NPL: variants seen among roughly 807,000 people sequenced by gnomAD.
NPL encodes the protein N-acetylneuraminate pyruvate lyase, also known as N-acetylneuraminate lyase.
A neutral mutation model predicts 41.1 loss-of-function variants in NPL; 32 were observed. The ratio of observed to expected loss-of-function variants is 0.78; its 90% confidence interval spans 0.59 to 1.05. The LOEUF is 1.05. Ranked by LOEUF, NPL falls within the 50% of genes least tolerant of loss-of-function variation. The probability of loss-of-function intolerance (pLI) is 0.00; values close to 1 mark genes in which losing one functional copy is unlikely to be tolerated. For missense variants in NPL, 321 were observed against 378.4 expected (o/e 0.85, Z 1.26); for synonymous variants, 128 against 134.9 (o/e 0.95, Z 0.35).
chr1:182,822,029 T>C, intron 10 of NPL, 86 bp from the exon 11 acceptor site: 1 of 888,878 alleles, frequency 1.1e-6, no homozygotes, highest in Non-Finnish European at 1.9e-6. Context: ...GTGTATTTTT[T>C]CCCTTTTAAA....
intron 7 of NPL, among the ~76,000 whole-genome samples, chr1:182,816,280 G>C (rs927545706): frequency 6.6e-6 from 1 of 152,194 alleles, no homozygotes; most frequent in Non-Finnish European, 1.5e-5. Context: ...TTTCCCTCTT[G>C]AAGCAGATAT....
At chr1:182,797,798 C>T (rs1666718045) in intron 3 of NPL, among the ~76,000 whole-genome samples, 1 of 152,170 alleles carries the variant, frequency 6.6e-6, no homozygotes, top group Non-Finnish European at 1.5e-5. Context: ...TGTTACTTGT[C>T]TATGTCTTCC....
intron 3 of NPL, among the ~76,000 whole-genome samples, chr1:182,800,435 CAAAAAAAAAAAA>C (rs1053733197): frequency 1.9e-5 from 1 of 51,568 alleles, no homozygotes; most frequent in Non-Finnish European, 4.9e-5. Flanking sequence ...GACCCTGTCT[CAAAAAAAAAAAA>C]AAAAAAAAAA....
intron 7 of NPL, 49 bp from the exon 8 acceptor site, chr1:182,816,665 C>T (rs1213567585): frequency 7.7e-7 from 1 of 1,300,426 alleles, no homozygotes; most frequent in Non-Finnish European, 1.1e-6. Context: ...CCAGGAAAGC[C>T]ACTGTTTTAC....
At chr1:182,797,003 C>T (rs1666688976) in intron 3 of NPL, among the ~76,000 whole-genome samples, 1 of 146,688 alleles carries the variant, frequency 6.8e-6, no homozygotes, top group African/African-American at 2.6e-5. Flanking sequence ...CCACTGCACT[C>T]TACCCTGGGC....
At chr1:182,790,670 T>C (rs1373044475) in intron 1 of NPL, among the ~76,000 whole-genome samples, 1 of 151,470 alleles carries the variant, frequency 6.6e-6, no homozygotes, top group Non-Finnish European at 1.5e-5. Flanking sequence ...TGAGACGGAG[T>C]CTCGCTCTTG....
chr1:182,799,175 G>A lies in NPL; in HGVS notation c.69-4523G>A, dbSNP rs192907515. Among the ~76,000 whole-genome samples the A allele has an allele frequency of 1.7e-3, 253 of 152,300 alleles. 1 individual carries two copies. The highest frequency in any genetic ancestry group is 3.2e-3 in the Non-Finnish European group (219 of 68,030). On this transcript the variant is annotated intron_variant, in intron 3 of 12. Transcript: ENST00000367553. ...TTTACCGTAAGAGAAGAGTTGTAGA[G>A]TCTACCTGCAGTTTCACAATCCACC...
chr1:182,804,419 C>T (rs1034829538), intron 4 of NPL, among the ~76,000 whole-genome samples: 63 of 152,318 alleles, frequency 4.1e-4, no homozygotes, highest in African/African-American at 1.2e-3. Context: ...TGAGCCACCG[C>T]GCCCAGCCTC....
intron 5 of NPL, among the ~76,000 whole-genome samples, chr1:182,808,679 G>C (rs981146359): frequency 6.6e-6 from 1 of 152,228 alleles, no homozygotes; most frequent in Non-Finnish European, 1.5e-5. Context: ...CCTTGGCTGG[G>C]TGCAGTGGCT....
In NPL at chr1:182,796,166, C is replaced by CAAA. The variant is rs11419574; in HGVS notation, c.68+1745_68+1747dup. 5.1e-3 allele frequency among the ~76,000 whole-genome samples: 522 copies of CAAA among 103,124 alleles called. 7 individuals are homozygous for CAAA. Among genetic ancestry groups the CAAA allele is most frequent in the East Asian group, 0.019 (65 of 3,416 alleles). 67.7% of individuals were successfully genotyped at this position (103,124 alleles called of 152,430 possible). A position where few individuals can be genotyped will look rare whatever the true frequency, so the allele number is the denominator to read the frequency against. On this transcript the variant is annotated intron_variant, in intron 3 of 12. Transcript: ENST00000367553. The stretch of plus-strand genomic sequence containing the variant: ...ACCTTACTTTCCTAAGGTGTGAAAT[C>CAAA]AAAAAAAAAAAAAAAAAAAAGAATG...
At chr1:182,794,937 A>G (rs188053658) in intron 3 of NPL, among the ~76,000 whole-genome samples, 1 of 152,036 alleles carries the variant, frequency 6.6e-6, no homozygotes, top group Non-Finnish European at 1.5e-5. Context: ...TGCAAGATGG[A>G]CTCTTTTTTC....
At chr1:182,808,983 G>A (rs908999218) in intron 5 of NPL, among the ~76,000 whole-genome samples, 1 of 150,126 alleles carries the variant, frequency 6.7e-6, no homozygotes, top group Non-Finnish European at 1.5e-5. Context: ...AAAAAAAGTG[G>A]TGAATTGATA....
At chr1:182,827,270 GA>G (rs1053482503) in intron 12 of NPL, among the ~76,000 whole-genome samples, 5 of 152,220 alleles carry the variant, frequency 3.3e-5, no homozygotes, top group Non-Finnish European at 5.9e-5. Flanking sequence ...AGACATTTTA[GA>G]AGATGGGGAT....
At chr1:182,819,928 G>C (rs73065399) in intron 10 of NPL, among the ~76,000 whole-genome samples, 12,378 of 152,274 alleles carry the variant, frequency 0.081, 1,352 homozygotes, top group African/African-American at 0.25. Flanking sequence ...TGTACAACCA[G>C]GCCTCAGAGA....
intron 3 of NPL, among the ~76,000 whole-genome samples, chr1:182,797,204 G>A (rs945284523): frequency 5.9e-5 from 9 of 151,978 alleles, no homozygotes; most frequent in Middle Eastern, 3.2e-3. Context: ...CCAGTCCATC[G>A]TCCACACTGT....
intron 4 of NPL, among the ~76,000 whole-genome samples, chr1:182,805,139 A>G (rs1187397622): frequency 6.6e-6 from 1 of 152,132 alleles, no homozygotes; most frequent in African/African-American, 2.4e-5. Flanking sequence ...TTAAGAAATG[A>G]TTGTAGTAGG....
At chr1:182,805,289 G>A (rs1434559410) in intron 4 of NPL, among the ~76,000 whole-genome samples, 2 of 152,184 alleles carry the variant, frequency 1.3e-5, no homozygotes, top group African/African-American at 4.8e-5. Flanking sequence ...AACTTAGCTG[G>A]GCATGGTGGT....
In NPL at chr1:182,806,125, C is replaced by T; in HGVS notation, c.143-20C>T. ...CAGAGGTGCTCCTTGGTCCTGCTGA[C>T]TTACTCTTTGTTTGAACAGTGAATG... On this transcript the variant is annotated intron_variant, in intron 4 of 12. Transcript: ENST00000367553. 6.2e-7 allele frequency: 1 copy of T among 1,614,132 alleles called. No homozygotes were observed. Among genetic ancestry groups the T allele is most frequent in the African/African-American group, 1.3e-5 (1 of 75,052 alleles).
At chr1:182,797,359 A>T (rs1441150376) in intron 3 of NPL, among the ~76,000 whole-genome samples, 1 of 152,150 alleles carries the variant, frequency 6.6e-6, no homozygotes, top group Non-Finnish European at 1.5e-5. Flanking sequence ...GTAGAAATGC[A>T]CAAGCTCGGG....
Sources: gnomAD v4.1 joint callset for allele counts (sites outside exome capture counted in the v4.1 genomes callset) on GRCh38, gnomAD v4.1.1 for gene constraint, MANE v1.5 for transcripts, NCBI Gene and HGNC (gene_info 2026-07-23, HGNC 2026-07-21) for gene names.